Variants in TIAM1 observed in about 807,000 individuals in gnomAD.
The protein encoded by TIAM1 is TIAM Rac1 associated GEF 1, also known as rho guanine nucleotide exchange factor TIAM1.
In TIAM1, 65 loss-of-function variants were observed where a neutral mutation model predicts 163.5. The observed-to-expected ratio is 0.40, with a 90% confidence interval of 0.33 to 0.49. The LOEUF is 0.49. TIAM1 is among the 20% of genes least tolerant of loss of function. TIAM1 has a pLI of 0.77. For missense variants in TIAM1, 1,789 were observed against 2,044.7 expected, an observed-to-expected ratio of 0.87 and a Z score of 2.41; for synonymous variants, 833 against 810.1, an observed-to-expected ratio of 1.03 and a Z score of -0.48.
intron 1 of TIAM1, among the ~76,000 whole-genome samples, chr21:31,549,953 G>A (rs2048627133): frequency 6.6e-6 from 1 of 152,002 alleles, no homozygotes; most frequent in African/African-American, 2.4e-5. Context: ...GTGAAACTCT[G>A]TCTCTACTAA....
intron 1 of TIAM1, among the ~76,000 whole-genome samples, chr21:31,544,066 T>C (rs1346918852): frequency 1.4e-5 from 2 of 147,320 alleles, no homozygotes; most frequent in African/African-American, 2.4e-5. Flanking sequence ...AAAAATTAGC[T>C]GGGCATGGTG....
At chr21:31,382,497 G>A (rs1440414668) in intron 2 of TIAM1, among the ~76,000 whole-genome samples, 2 of 152,186 alleles carry the variant, frequency 1.3e-5, no homozygotes, top group African/African-American at 4.8e-5. Context: ...AAGAAAGCAA[G>A]AAATGAATTA....
chr21:31,329,212 A>G (rs1328029012), intron 2 of TIAM1, among the ~76,000 whole-genome samples: 3 of 152,202 alleles, frequency 2.0e-5, no homozygotes, highest in African/African-American at 7.2e-5. Flanking sequence ...CCAGAATGTC[A>G]GTTCCCTGAG....
rs151048315 is a variant in TIAM1, at chr21:31,266,568, G to A, written c.405C>T (p.Tyr135=). The A allele has an allele frequency of 1.1e-5, 18 of 1,614,196 alleles. No homozygotes were observed. Among genetic ancestry groups the A allele is most frequent in the African/African-American group, 1.1e-4 (8 of 75,048 alleles). The change falls in exon 4 of 28, where the codon TAC becomes TAT. Residue 135 remains tyrosine, a synonymous_variant. Transcript: ENST00000541036. ...SMPDTEESRL[Y]GDDATYLAEG... Reference sequence around the variant, plus strand: ...CAGCCAAATATGTAGCGTCATCCCCGTAAAGCCTGCTCTCCTCAGTGTCTG... The same window carrying A: ...CAGCCAAATATGTAGCGTCATCCCCATAAAGCCTGCTCTCCTCAGTGTCTG...
In TIAM1 at chr21:31,300,269, G is replaced by A. The variant is rs549619071; in HGVS notation, c.-188-23361C>T. Among the ~76,000 whole-genome samples, 57 of 152,290 alleles carry A rather than the reference G, an allele frequency of 3.7e-4. 2 individuals are homozygous for A. In the East Asian group the frequency reaches 6.9e-3, roughly 19 times the overall value. On this transcript the variant is annotated intron_variant, in intron 2 of 27. Coordinates refer to ENST00000541036, the MANE Select transcript of TIAM1 (RefSeq NM_001353694.2). ...CCCCAGAAGCAGATGCCAGCATCATGCTTCCTGTACAGAACGGTGAGCCAA... is the reference window on the plus strand; with the variant it reads ...CCCCAGAAGCAGATGCCAGCATCATACTTCCTGTACAGAACGGTGAGCCAA...
In TIAM1 at chr21:31,307,960, C is replaced by T. The variant is rs185719437; in HGVS notation, c.-188-31052G>A. Among the ~76,000 whole-genome samples, 12 of 152,240 alleles carry T rather than the reference C, an allele frequency of 7.9e-5. No individual in the cohort carries two copies. In the South Asian group the frequency reaches 1.7e-3, roughly 21 times the overall value. ...TCAATACTATACAATGGGCTGGGTG[C>T]GGCAGCTCACACCTGTAATCCTAGC... On this transcript the variant is annotated intron_variant, in intron 2 of 27. Coordinates refer to ENST00000541036, the MANE Select transcript of TIAM1 (RefSeq NM_001353694.2).
At chr21:31,376,295 A>G (rs1359667681) in intron 2 of TIAM1, among the ~76,000 whole-genome samples, 1 of 152,140 alleles carries the variant, frequency 6.6e-6, no homozygotes, top group Non-Finnish European at 1.5e-5. Context: ...GTCTCTGACC[A>G]TAACACCAAT....
At chr21:31,372,476 G>A (rs900437241) in intron 2 of TIAM1, among the ~76,000 whole-genome samples, 3 of 152,180 alleles carry the variant, frequency 2.0e-5, no homozygotes, top group Non-Finnish European at 2.9e-5. Flanking sequence ...CCCCTGCTCA[G>A]CCGGAACCTA....
chr21:31,329,396 G>T (rs987322339), intron 2 of TIAM1, among the ~76,000 whole-genome samples: 1 of 152,324 alleles, frequency 6.6e-6, no homozygotes, highest in East Asian at 1.9e-4. Flanking sequence ...TCGTGCTAAG[G>T]TGCCTGTGCA....
intron 4 of TIAM1, among the ~76,000 whole-genome samples, chr21:31,259,674 T>G (rs1269962265): frequency 6.6e-6 from 1 of 151,452 alleles, no homozygotes; most frequent in East Asian, 1.9e-4. Context: ...GTTCCCAACC[T>G]GTATTAGCAT....
At chr21:31,452,132 T>G (rs1413540711) in intron 2 of TIAM1, among the ~76,000 whole-genome samples, 1 of 152,152 alleles carries the variant, frequency 6.6e-6, no homozygotes, top group Non-Finnish European at 1.5e-5. Flanking sequence ...GGGCAGGACA[T>G]GACAAAATGA....
chr21:31,292,438 C>T (rs940707266), intron 2 of TIAM1, among the ~76,000 whole-genome samples: 1 of 150,294 alleles, frequency 6.7e-6, no homozygotes, highest in African/African-American at 2.5e-5. Context: ...GATGCGATCT[C>T]GGCTCACTGC....
rs141694347 is a variant in TIAM1, at chr21:31,374,152, G to A, written c.-368-34730C>T. On this transcript the variant is annotated intron_variant, in intron 2 of 28. Transcript: ENST00000286827. ...TCCATGTAAGTTCCAGACCCAACTC[G>A]CTCAGTGCTTGGCGCTGTGAAGAAT... Among the ~76,000 whole-genome samples the A allele has an allele frequency of 9.2e-5, 14 of 152,146 alleles. No homozygotes were observed. The East Asian group carries it at 2.3e-3, about 25-fold the overall frequency.
At chr21:31,223,028 T>C (rs146808603) in intron 8 of TIAM1, among the ~76,000 whole-genome samples, 194 of 151,990 alleles carry the variant, frequency 1.3e-3, no homozygotes, top group African/African-American at 4.0e-3. Flanking sequence ...TGAGAATGCA[T>C]TGATGTATGA....
chr21:31,197,038 A>G (rs2085894448), intron 12 of TIAM1, among the ~76,000 whole-genome samples: 1 of 152,204 alleles, frequency 6.6e-6, no homozygotes, highest in Admixed American at 6.5e-5. Context: ...CTAAACAATG[A>G]GTACTCATGG....
At chr21:31,157,677 C>T (rs1047793338) in intron 16 of TIAM1, among the ~76,000 whole-genome samples, 6 of 151,914 alleles carry the variant, frequency 3.9e-5, no homozygotes, top group African/African-American at 1.2e-4. Context: ...CCCATGTGCG[C>T]GTTTTTGGGC....
intron 1 of TIAM1, among the ~76,000 whole-genome samples, chr21:31,540,476 C>T (rs6517045): frequency 0.038 from 5,774 of 152,096 alleles, 366 homozygotes; most frequent in African/African-American, 0.13. Flanking sequence ...AGGTGGCTCA[C>T]GCCTATAATC....
chr21:31,365,397 T>TTTC (rs1255335437), intron 2 of TIAM1, among the ~76,000 whole-genome samples: 3,117 of 149,422 alleles, frequency 0.021, 73 homozygotes, highest in Middle Eastern at 0.062. Context: ...CTTTTTTTTT[T>TTTC]TTTTTTTTTG....
chr21:31,351,514 A>T (rs1211354202), intron 2 of TIAM1, among the ~76,000 whole-genome samples: 1 of 152,196 alleles, frequency 6.6e-6, no homozygotes, highest in African/African-American at 2.4e-5. Context: ...AAGTGGGTAC[A>T]TGAGAAATTC....
Sources: allele counts gnomAD v4.1 joint callset (sites outside exome capture counted in the v4.1 genomes callset), GRCh38; gene constraint gnomAD v4.1.1; transcripts MANE v1.5; gene names NCBI Gene and HGNC (gene_info 2026-07-23, HGNC 2026-07-21).